Variants in DNER observed in about 807,000 individuals in gnomAD.
DNER encodes delta and Notch-like epidermal growth factor-related receptor.
DNER carries 33 observed loss-of-function variants against 78.2 expected under a neutral mutation model. The ratio of observed to expected loss-of-function variants is 0.42; its 90% CI spans 0.32 to 0.56. The LOEUF (loss-of-function observed/expected upper bound fraction) is 0.56. Among genes scored for constraint, DNER ranks in the 20% least tolerant of loss-of-function variants. The pLI, the probability that DNER is intolerant of heterozygous loss-of-function variation, is 0.11. For synonymous variants in DNER, 417 were observed against 384.8 expected (o/e 1.08, Z -0.98); for missense variants, 918 against 975.3 (o/e 0.94, Z 0.78).
At chr2:229,404,210 T>C (rs1250710434) in intron 10 of DNER, among the ~76,000 whole-genome samples, 1 of 152,036 alleles carries the variant, frequency 6.6e-6, no homozygotes, top group Admixed American at 6.6e-5. Context: ...GAAGGTATAT[T>C]AGTCTGTTCT....
At chr2:229,695,027 T>C (rs1395945363) in intron 1 of DNER, among the ~76,000 whole-genome samples, 1 of 152,156 alleles carries the variant, frequency 6.6e-6, no homozygotes, top group Non-Finnish European at 1.5e-5. Context: ...TTCATGACAG[T>C]GAATGGGTTC....
intron 1 of DNER, among the ~76,000 whole-genome samples, chr2:229,659,116 G>A (rs758901803): frequency 1.2e-4 from 19 of 152,230 alleles, no homozygotes; most frequent in Admixed American, 5.9e-4. Flanking sequence ...AAGGGTACCC[G>A]GCAGTTTCAT....
intron 4 of DNER, among the ~76,000 whole-genome samples, chr2:229,554,692 A>T (rs953808895): frequency 1.3e-5 from 2 of 151,924 alleles, no homozygotes; most frequent in Non-Finnish European, 2.9e-5. Flanking sequence ...CTGTCTCAAA[A>T]AAATAAATAA....
At position 229,441,239 on chromosome 2, in the gene DNER, CTGAACTATTGTTCAGAATTTTATA is replaced by C. The variant is rs553076772; in HGVS notation, c.1486+6053_1486+6076del. Reference sequence around the variant, plus strand: ...TTCAGTGTCCAACTCATTGGAAATTCTGAACTATTGTTCAGAATTTTATATGAACTATTGTTCATATAAAAATTC... The same window carrying C: ...TTCAGTGTCCAACTCATTGGAAATTCTGAACTATTGTTCATATAAAAATTC... On this transcript the variant is annotated intron_variant, in intron 8 of 12. Coordinates refer to ENST00000341772, the MANE Select transcript of DNER (RefSeq NM_139072.4). 2.9e-4 allele frequency among the ~76,000 whole-genome samples: 44 copies of C among 151,948 alleles called. 1 individual carries two copies. In the Middle Eastern group the frequency reaches 0.017, roughly 59 times the overall value.
chr2:229,516,745 A>G (rs989784117), intron 5 of DNER, among the ~76,000 whole-genome samples: 9 of 149,856 alleles, frequency 6.0e-5, no homozygotes, highest in East Asian at 5.9e-4. Flanking sequence ...TGATCATGCC[A>G]CTGCACTCTA....
chr2:229,584,893 CAAAAAAAAA>C (rs112680143), intron 4 of DNER, among the ~76,000 whole-genome samples: 1 of 60,824 alleles, frequency 1.6e-5, no homozygotes, highest in East Asian at 5.2e-4. Flanking sequence ...GAGATCGTCC[CAAAAAAAAA>C]AAAAAAAAAG....
intron 1 of DNER, among the ~76,000 whole-genome samples, chr2:229,668,841 A>G (rs964864612): frequency 5.9e-5 from 9 of 151,734 alleles, no homozygotes; most frequent in Non-Finnish European, 8.8e-5. Context: ...AACCAGAAAT[A>G]CCATTTGACC....
intron 11 of DNER, among the ~76,000 whole-genome samples, chr2:229,368,907 C>A (rs1692412432): frequency 1.3e-5 from 2 of 152,096 alleles, no homozygotes; most frequent in African/African-American, 4.8e-5. Context: ...TGAGTCTTTT[C>A]CAGATTTTTA....
rs770933741 is a variant in DNER, at chr2:229,388,344, A to G, written c.1776T>C (p.His592=). The G allele has an allele frequency of 6.2e-7, 1 of 1,612,152 alleles. No individual in the cohort carries two copies. The highest frequency in any genetic ancestry group is 1.1e-5 in the South Asian group (1 of 90,874). The change falls in exon 11 of 13, where the codon CAT becomes CAC. Residue 592 remains histidine (H), a synonymous_variant. Transcript: ENST00000341772. ...TGGGCTGGTCCAGGCAGCTCCCACC[A>G]TGGTGGCAGGGGTTACTGTCACATT... is the stretch of plus-strand genomic sequence containing the variant. ...INECDSNPCH[H]GGSCLDQPNG...
chr2:229,573,579 T>G (rs1464823355), intron 4 of DNER, among the ~76,000 whole-genome samples: 1 of 152,186 alleles, frequency 6.6e-6, no homozygotes, highest in African/African-American at 2.4e-5. Flanking sequence ...TCCATTCTCA[T>G]GCACTCATTC....
chr2:229,487,238 G>A (rs916868700), intron 6 of DNER, among the ~76,000 whole-genome samples: 8 of 152,246 alleles, frequency 5.3e-5, no homozygotes, highest in African/African-American at 1.9e-4. Flanking sequence ...TTCTTTAAGG[G>A]CAGGTATTGA....
intron 8 of DNER, among the ~76,000 whole-genome samples, chr2:229,421,783 G>A (rs892705056): frequency 3.8e-4 from 57 of 151,994 alleles, no homozygotes; most frequent in African/African-American, 1.4e-3. Flanking sequence ...ACAATCACCA[G>A]CAGCACCTTT....
intron 4 of DNER, among the ~76,000 whole-genome samples, chr2:229,575,265 A>G (rs1334533859): frequency 6.6e-6 from 1 of 151,646 alleles, no homozygotes; most frequent in Non-Finnish European, 1.5e-5. Context: ...TTTGCTTCTC[A>G]AAACCAGGCA....
At chr2:229,672,589 G>C (rs1299881813) in intron 1 of DNER, among the ~76,000 whole-genome samples, 3 of 151,052 alleles carry the variant, frequency 2.0e-5, no homozygotes, top group African/African-American at 7.3e-5. Context: ...AAAGGAGAGA[G>C]AGAGGAAAAA....
At chr2:229,460,039 C>T (rs543083994) in intron 7 of DNER, among the ~76,000 whole-genome samples, 1 of 151,654 alleles carries the variant, frequency 6.6e-6, no homozygotes, top group South Asian at 2.1e-4. Flanking sequence ...TGCCTGTAGT[C>T]CCAACTACTC....
chr2:229,461,294 T>C (rs1694694864), intron 7 of DNER, among the ~76,000 whole-genome samples: 1 of 152,134 alleles, frequency 6.6e-6, no homozygotes, highest in South Asian at 2.1e-4. Context: ...CATAATGTTA[T>C]AACTCTAAAA....
chr2:229,529,998 A>C (rs1018613681), intron 5 of DNER, among the ~76,000 whole-genome samples: 2 of 149,428 alleles, frequency 1.3e-5, no homozygotes, highest in East Asian at 4.0e-4. Flanking sequence ...TGAGGCCTCA[A>C]GTCTTTAAAA....
intron 8 of DNER, among the ~76,000 whole-genome samples, chr2:229,429,907 C>T (rs1326631058): frequency 6.6e-6 from 1 of 152,154 alleles, no homozygotes; most frequent in Non-Finnish European, 1.5e-5. Flanking sequence ...AGTAAAACTT[C>T]GATTCACTGC....
intron 8 of DNER, among the ~76,000 whole-genome samples, chr2:229,433,168 G>C (rs1360378332): frequency 6.6e-6 from 1 of 152,182 alleles, no homozygotes; most frequent in Non-Finnish European, 1.5e-5. Flanking sequence ...TCGAACTCCT[G>C]ACTATGTGAT....
Sources: gnomAD v4.1 joint callset for allele counts (sites outside exome capture counted in the v4.1 genomes callset) on GRCh38, gnomAD v4.1.1 for gene constraint, MANE v1.5 for transcripts, NCBI Gene and HGNC (gene_info 2026-07-23, HGNC 2026-07-21) for gene names.